The following BRD8 variants were observed in gnomAD, a reference collection of about 807,000 sequenced individuals.
BRD8 encodes the protein bromodomain-containing protein 8.
Under a neutral mutation model 143.1 loss-of-function variants are expected in BRD8, and 67 were observed. That is an observed-to-expected ratio of 0.47 (90% confidence interval 0.38 to 0.57). The LOEUF is 0.57. BRD8 is among the 20% of genes least tolerant of loss of function. The pLI, the probability that BRD8 is intolerant of heterozygous loss-of-function variation, is 0.00. For missense variants in BRD8, 1,103 were observed against 1,503.0 expected, an observed-to-expected ratio of 0.73 and a Z score of 4.40; for synonymous variants, 505 against 517.1, an observed-to-expected ratio of 0.98 and a Z score of 0.32.
At chr5:138,157,298 A>AT in intron 20 of BRD8, 2 of 1,613,616 alleles carry the variant, frequency 1.2e-6, no homozygotes, top group Non-Finnish European at 1.7e-6. Flanking sequence ...GAAAGGGAGC[A>AT]TGAGTTGGTC....
rs1179460489 is a variant in BRD8 at position 138,168,066 on chromosome 5, C to T, written c.655G>A (p.Glu219Lys). Residue 219 changes from glutamate to lysine, a missense_variant, in exon 9 of 27, where the codon GAA becomes AAA. Glu to Lys is a moderately conservative substitution (Grantham distance 56). Around this residue, in one of 7 missense-constraint regions of BRD8, gnomAD observed 334 missense variants for 372.5 expected, o/e 0.90. Transcript: ENST00000254900. Reference protein sequence around the residue: ...EEATSGVNESEMAVASGHLNS... With the variant: ...EEATSGVNESKMAVASGHLNS... ...AGGTGGCCAGAAGCCACAGCCATTT[C>T]ACTCTCATTGACCTACCAGGGAAGA... The T allele has an allele frequency of 6.2e-7, 1 of 1,612,988 alleles. No individual in the cohort carries two copies.
intron 9 of BRD8, among the ~76,000 whole-genome samples, chr5:138,167,333 G>C (rs983913281): frequency 2.6e-5 from 4 of 151,958 alleles, no homozygotes; most frequent in Admixed American, 6.6e-5. Context: ...TAATCACCAA[G>C]AAACGAAAAA....
Position 138,152,620 on chromosome 5 carries a change from A to T in BRD8, c.2718T>A (p.Asp906Glu). The stretch of plus-strand genomic sequence containing the variant: ...TTTCCTCTAGTTCCTCAGCCTCTGG[A>T]TCCTCAGTTTCCCTCCAGTTGCCCA... Reference protein sequence around the residue: ...LDVGNWRETEDPEAEELEESS... With the variant: ...LDVGNWRETEEPEAEELEESS... The change falls in exon 21 of 27, where the codon GAT (aspartate) becomes GAA (glutamate). Residue 906 changes from aspartate to glutamate, a missense_variant. This residue lies in a region of BRD8 where 369 missense variants were observed against 445.5 expected (regional missense o/e 0.83). Transcript: ENST00000254900. 6.2e-7 allele frequency: 1 copy of T among 1,614,074 alleles called. No homozygotes were observed. The highest frequency in any genetic ancestry group is 8.5e-7 in the Non-Finnish European group (1 of 1,180,020).
At chr5:138,177,953 C>T (rs774868414) in intron 1 of BRD8, among the ~76,000 whole-genome samples, 5 of 152,192 alleles carry the variant, frequency 3.3e-5, no homozygotes, top group Non-Finnish European at 7.3e-5. Flanking sequence ...TCAGATTAGG[C>T]AGTTCTCCCT....
At chr5:138,175,510 G>T (rs1297795299) in intron 2 of BRD8, among the ~76,000 whole-genome samples, 1 of 151,738 alleles carries the variant, frequency 6.6e-6, no homozygotes, top group Admixed American at 6.6e-5. Flanking sequence ...TTGAGCCCAG[G>T]AGTTCAAGAC....
intron 2 of BRD8, 101 bp from the exon 3 acceptor site, chr5:138,172,235 A>C: frequency 2.0e-6 from 2 of 991,374 alleles, no homozygotes; most frequent in Non-Finnish European, 3.1e-6. Context: ...AATAAAAAAG[A>C]TGCGAATGGC....
chr5:138,164,688 C>T (rs1335803392), intron 12 of BRD8, 26 bp downstream of exon 12: 2 of 1,611,518 alleles, frequency 1.2e-6, no homozygotes, highest in African/African-American at 2.7e-5. Context: ...ACCTCCATCT[C>T]CCCAGCCCCG....
At position 138,165,453 on chromosome 5, in the gene BRD8, T is replaced by C. The variant is rs1226947354; in HGVS notation, c.1279-287A>G. On this transcript the variant is annotated intron_variant, in intron 11 of 26. Transcript: ENST00000254900. ...CTGTAAGAAGCAAAGCAGCCGAGTA[T>C]GGTGGCTCATGCCTGTAATCTCAGC... Among the ~76,000 whole-genome samples the C allele has an allele frequency of 2.0e-5, 3 of 152,234 alleles. No homozygotes were observed. In the South Asian group the frequency reaches 6.2e-4, roughly 32 times the overall value.
chr5:138,164,668 T>G, intron 12 of BRD8, 46 bp downstream of exon 12: 2 of 1,590,084 alleles, frequency 1.3e-6, no homozygotes, highest in South Asian at 1.1e-5. Context: ...ACTTCTTATC[T>G]AAGGTATAAA....
chr5:138,158,107 C>T (rs1752723114), intron 20 of BRD8, among the ~76,000 whole-genome samples: 1 of 152,142 alleles, frequency 6.6e-6, no homozygotes, highest in Non-Finnish European at 1.5e-5. Flanking sequence ...GTGTATAATG[C>T]TTTTCTTTTT....
At chr5:138,151,068 A>G (rs2151185447) in intron 21 of BRD8, 60 bp from the exon 22 acceptor site, 1 of 1,561,110 alleles carries the variant, frequency 6.4e-7, no homozygotes, top group Non-Finnish European at 8.7e-7. Flanking sequence ...TCATCCACAT[A>G]TCAACAATGC....
intron 21 of BRD8, 73 bp from the exon 22 acceptor site, chr5:138,151,081 C>T: frequency 6.6e-7 from 1 of 1,519,094 alleles, no homozygotes. Flanking sequence ...AACAATGCCA[C>T]ATGCTAACAC....
intron 20 of BRD8, chr5:138,157,551 G>A: frequency 2.3e-6 from 1 of 432,578 alleles, no homozygotes; most frequent in Non-Finnish European, 4.2e-6. Context: ...ATCCCACCCA[G>A]GCCCAAATCA....
chr5:138,168,581 T>G, intron 8 of BRD8: 1 of 1,608,982 alleles, frequency 6.2e-7, no homozygotes, highest in Non-Finnish European at 8.5e-7. Flanking sequence ...GTGAATCATC[T>G]GTTACTGGGG....
At chr5:138,174,897 T>C (rs914381012) in intron 2 of BRD8, among the ~76,000 whole-genome samples, 1 of 151,356 alleles carries the variant, frequency 6.6e-6, no homozygotes, top group Non-Finnish European at 1.5e-5. Flanking sequence ...AAGTTTTTTT[T>C]TTTTTTTTTT....
chr5:138,166,530 T>C lies in BRD8; in HGVS notation c.985A>G (p.Ser329Gly), dbSNP rs1581441908. 6.2e-7 allele frequency: 1 copy of C among 1,610,282 alleles called. No individual in the cohort carries two copies. The highest frequency in any genetic ancestry group is 8.5e-7 in the Non-Finnish European group (1 of 1,177,626). The change falls in exon 10 of 27, where the codon AGT becomes GGT. Residue 329 changes from serine (S) to glycine (G), a missense_variant. Around this residue, in one of 7 missense-constraint regions of BRD8, gnomAD observed 334 missense variants for 372.5 expected, o/e 0.90. Transcript: ENST00000254900. ...SSAPAVSTTE[S>G]VAPVSQPDNC... ...CTCAGGGACGCACCTGGAGCTACAC[T>C]TTCAGTAGTGGAGACAGCCGGAGCA...
chr5:138,161,160 T>C, intron 17 of BRD8, 92 bp from the exon 18 acceptor site: 2 of 1,029,704 alleles, frequency 1.9e-6, no homozygotes, highest in South Asian at 1.9e-5. Context: ...CTTTCTCATA[T>C]ATACCTTAAC....
chr5:138,167,997 T>G lies in BRD8; in HGVS notation c.724A>C (p.Met242Leu). ...VLLEVGGVLPMIHGGEIQQTP... is the reference protein window; with the variant it reads ...VLLEVGGVLPLIHGGEIQQTP... The stretch of plus-strand genomic sequence containing the variant: ...TGCTGTATCTCCCCACCATGTATCA[T>G]GGGAAGGACCCCGCCTACCTCCAGG... The change falls in exon 9 of 27, where the codon ATG (methionine) becomes CTG (leucine). Residue 242 changes from methionine to leucine, a missense_variant. Around this residue, in one of 7 missense-constraint regions of BRD8, gnomAD observed 334 missense variants for 372.5 expected, o/e 0.90. Transcript: ENST00000254900. The G allele has an allele frequency of 6.2e-7, 1 of 1,613,280 alleles. No homozygotes were observed. Among genetic ancestry groups the G allele is most frequent in the Middle Eastern group, 1.7e-4 (1 of 5,894 alleles).
chr5:138,160,986 G>A lies in BRD8; in HGVS notation c.2332C>T (p.Leu778=), dbSNP rs760545079. The change falls in exon 18 of 27, where the codon CTG becomes TTG. Residue 778 remains leucine, a synonymous_variant. Coordinates refer to ENST00000254900, the MANE Select transcript of BRD8 (RefSeq NM_139199.2). The stretch of plus-strand genomic sequence containing the variant: ...TACATTACAGCATTCTGAAACATCA[G>A]CATAATGTCACGCTGAAATTCAGCT... ...STAEFQRDIM[L]MFQNAVMYNS... is the part of the protein sequence containing the mutation. 1.2e-6 allele frequency: 2 copies of A among 1,613,702 alleles called. No homozygotes were observed. Among genetic ancestry groups the A allele is most frequent in the Admixed American group, 3.3e-5 (2 of 59,974 alleles).
Sources: allele counts gnomAD v4.1 joint callset (sites outside exome capture counted in the v4.1 genomes callset), GRCh38; gene constraint gnomAD v4.1.1; regional missense constraint gnomAD v4.1.1; transcripts MANE v1.5; gene names NCBI Gene and HGNC (gene_info 2026-07-23, HGNC 2026-07-21).